Variants in CHL1 observed in about 807,000 individuals in gnomAD.
CHL1 encodes neural cell adhesion molecule L1-like protein.
In CHL1, 96 loss-of-function variants were observed where a neutral mutation model predicts 141.9. The ratio of observed to expected loss-of-function variants is 0.68; its 90% CI spans 0.57 to 0.80. The LOEUF (loss-of-function observed/expected upper bound fraction) is 0.80. CHL1 is among the 30% of genes least tolerant of loss of function. CHL1 has a pLI of 0.00. For synonymous variants in CHL1, 613 were observed against 502.2 expected, an observed-to-expected ratio of 1.22 and a Z score of -2.95; for missense variants, 1,820 against 1,457.2, an observed-to-expected ratio of 1.25 and a Z score of -4.05.
chr3:352,304 AAC>A (rs1703336828), intron 10 of CHL1, among the ~76,000 whole-genome samples: 1 of 152,182 alleles, frequency 6.6e-6, no homozygotes, highest in Non-Finnish European at 1.5e-5. Context: ...CCTGTGAAGA[AAC>A]AGTTTTACTA....
chr3:318,340 C>A (rs1034828314), intron 2 of CHL1, among the ~76,000 whole-genome samples: 33 of 151,778 alleles, frequency 2.2e-4, no homozygotes, highest in African/African-American at 7.7e-4. Context: ...ACTTTACTAT[C>A]TCTGTGTTAG....
At chr3:299,123 T>C (rs1299704918) in intron 2 of CHL1, among the ~76,000 whole-genome samples, 1 of 152,128 alleles carries the variant, frequency 6.6e-6, no homozygotes, top group Admixed American at 6.6e-5. Flanking sequence ...GAAAGAGAAT[T>C]CCTGGTTTCC....
intron 15 of CHL1, among the ~76,000 whole-genome samples, chr3:368,563 G>C (rs1705201563): frequency 6.6e-6 from 1 of 152,150 alleles, no homozygotes; most frequent in Non-Finnish European, 1.5e-5. Flanking sequence ...TCTGATGATA[G>C]TTTCTTTTGC....
chr3:213,702 T>A (rs1019631590), intron 1 of CHL1: 4 of 152,196 alleles, frequency 2.6e-5, no homozygotes, highest in African/African-American at 9.6e-5. Context: ...GCTTGTGCAC[T>A]GTTAAAAGTC....
intron 5 of CHL1, among the ~76,000 whole-genome samples, chr3:336,873 T>A (rs144425180): frequency 6.4e-4 from 97 of 152,318 alleles, no homozygotes; most frequent in African/African-American, 1.9e-3. Context: ...TTGATAGTTG[T>A]GGTAATAAGA....
chr3:271,464 T>C (rs1316430199), intron 2 of CHL1, among the ~76,000 whole-genome samples: 1 of 152,188 alleles, frequency 6.6e-6, no homozygotes, highest in African/African-American at 2.4e-5. Context: ...CTTTTGTAAA[T>C]TTAAATGAAA....
chr3:247,483 G>T (rs1693276527), intron 2 of CHL1: 1 of 151,852 alleles, frequency 6.6e-6, no homozygotes, highest in Admixed American at 6.6e-5. Context: ...ACACAATCTG[G>T]GGCATATTAG....
intron 2 of CHL1, among the ~76,000 whole-genome samples, chr3:286,772 G>A (rs1050099722): frequency 3.3e-5 from 5 of 152,124 alleles, no homozygotes; most frequent in African/African-American, 7.2e-5. Context: ...CCAGGAAAGC[G>A]GTAGGCAATT....
At chr3:270,798 A>G (rs1241790707) in intron 2 of CHL1, among the ~76,000 whole-genome samples, 4 of 152,224 alleles carry the variant, frequency 2.6e-5, no homozygotes, top group Non-Finnish European at 5.9e-5. Context: ...GCTTTCCCAC[A>G]TGGCTCGTAG....
At chr3:284,060 A>G (rs950488915) in intron 2 of CHL1, among the ~76,000 whole-genome samples, 7 of 152,236 alleles carry the variant, frequency 4.6e-5, no homozygotes, top group Non-Finnish European at 1.0e-4. Flanking sequence ...TCCACTAAGT[A>G]CTTTGCCAGG....
chr3:354,792 C>T, intron 11 of CHL1, 21 bp downstream of exon 11: 1 of 1,612,050 alleles, frequency 6.2e-7, no homozygotes, highest in Non-Finnish European at 8.5e-7. Flanking sequence ...AAACCAATTG[C>T]AATGCAATGC....
chr3:394,523 A>G (rs560756896), intron 23 of CHL1, among the ~76,000 whole-genome samples, 170 bp from the exon 24 acceptor site: 1 of 152,264 alleles, frequency 6.6e-6, no homozygotes, highest in East Asian at 1.9e-4. Context: ...TTTGTCATAT[A>G]TGATATAGTC....
At chr3:321,360 A>G (rs929701928) in intron 3 of CHL1, among the ~76,000 whole-genome samples, 1 of 152,044 alleles carries the variant, frequency 6.6e-6, no homozygotes, top group Non-Finnish European at 1.5e-5. Flanking sequence ...CGGCCTACAC[A>G]ATGTATTAGA....
intron 23 of CHL1, among the ~76,000 whole-genome samples, chr3:394,307 G>A (rs1277129275): frequency 1.3e-5 from 2 of 151,962 alleles, no homozygotes; most frequent in East Asian, 3.9e-4. Context: ...TAATACTTAA[G>A]TCAAAGATAC....
intron 22 of CHL1, 64 bp downstream of exon 22, chr3:391,223 T>G: frequency 7.6e-7 from 1 of 1,315,974 alleles, no homozygotes; most frequent in Non-Finnish European, 1.1e-6. Context: ...TATTAAACAT[T>G]CTTCCTTATG....
chr3:258,393 A>G (rs993028346), intron 2 of CHL1, among the ~76,000 whole-genome samples: 1 of 152,164 alleles, frequency 6.6e-6, no homozygotes, highest in Non-Finnish European at 1.5e-5. Flanking sequence ...CTACTTCCAC[A>G]TCTCTCCCTC....
At chr3:233,988 A>G (rs1279098271) in intron 1 of CHL1, among the ~76,000 whole-genome samples, 1 of 152,054 alleles carries the variant, frequency 6.6e-6, no homozygotes, top group Non-Finnish European at 1.5e-5. Context: ...GAATATTTAA[A>G]GAAGTCAAAA....
intron 2 of CHL1, among the ~76,000 whole-genome samples, chr3:256,749 ATGTATCTTTTTGGTAT>A (rs1377825397): frequency 2.0e-5 from 3 of 152,152 alleles, no homozygotes; most frequent in African/African-American, 7.2e-5. Context: ...GAGGATTCAT[ATGTATCTTTTTGGTAT>A]TGTATTTCTG....
At chr3:345,837 A>C (rs933222055) in intron 9 of CHL1, among the ~76,000 whole-genome samples, 5 of 152,170 alleles carry the variant, frequency 3.3e-5, no homozygotes, top group African/African-American at 1.2e-4. Context: ...TCACTTGGTC[A>C]CCTCTTAAAA....
Sources: gnomAD v4.1 joint callset for allele counts (sites outside exome capture counted in the v4.1 genomes callset) on GRCh38, gnomAD v4.1.1 for gene constraint, MANE v1.5 for transcripts, NCBI Gene and HGNC (gene_info 2026-07-23, HGNC 2026-07-21) for gene names.